The following ST8SIA6 variants were observed in gnomAD, a reference collection of about 807,000 sequenced individuals.
The protein encoded by ST8SIA6 is ST8 alpha-N-acetyl-neuraminide alpha-2,8-sialyltransferase 6, also known as alpha-2,8-sialyltransferase 8F.
ST8SIA6 carries 39 observed loss-of-function variants against 33.6 expected under a neutral mutation model. The ratio of observed to expected loss-of-function variants is 1.16; its 90% CI spans 0.90 to 1.52. ST8SIA6 has a LOEUF of 1.52. ST8SIA6 is among the 40% of genes most tolerant of loss of function. The pLI, the probability that ST8SIA6 is intolerant of heterozygous loss-of-function variation, is 0.00. For missense variants in ST8SIA6, 441 were observed against 443.8 expected, an observed-to-expected ratio of 0.99 and a Z score of 0.06; for synonymous variants, 172 against 167.2, an observed-to-expected ratio of 1.03 and a Z score of -0.22.
chr10:17,331,935 G>C (rs1409122634), intron 4 of ST8SIA6, among the ~76,000 whole-genome samples: 1 of 152,128 alleles, frequency 6.6e-6, no homozygotes, highest in African/African-American at 2.4e-5. Context: ...TTGTCCCAAT[G>C]CTCTCCCTCC....
At chr10:17,378,943 G>A (rs1259099071) in intron 3 of ST8SIA6, among the ~76,000 whole-genome samples, 2 of 151,998 alleles carry the variant, frequency 1.3e-5, no homozygotes, top group East Asian at 3.9e-4. Context: ...TGGCTAACAT[G>A]GTGAAACCCC....
chr10:17,440,425 C>T (rs541449271), intron 2 of ST8SIA6, among the ~76,000 whole-genome samples: 8 of 152,000 alleles, frequency 5.3e-5, no homozygotes, highest in African/African-American at 1.7e-4. Context: ...AGGATGGTCT[C>T]GAACTCCTGA....
intron 2 of ST8SIA6, among the ~76,000 whole-genome samples, chr10:17,449,298 A>G (rs1852829834): frequency 6.6e-6 from 1 of 152,164 alleles, no homozygotes; most frequent in Non-Finnish European, 1.5e-5. Context: ...ATTGAGAAAT[A>G]AATCCAAGAG....
At chr10:17,348,174 T>G (rs61844965) in intron 4 of ST8SIA6, among the ~76,000 whole-genome samples, 3,026 of 151,494 alleles carry the variant, frequency 0.02, 56 homozygotes, top group Admixed American at 0.032. Context: ...TTATAAACTT[T>G]TATTCAGTTA....
chr10:17,397,876 T>C (rs1431932118), intron 2 of ST8SIA6, among the ~76,000 whole-genome samples: 1 of 152,232 alleles, frequency 6.6e-6, no homozygotes, highest in Non-Finnish European at 1.5e-5. Flanking sequence ...AGTTCTGCTA[T>C]CACTGTTATC....
intron 6 of ST8SIA6, among the ~76,000 whole-genome samples, chr10:17,325,096 T>A (rs1226570581): frequency 7.1e-6 from 1 of 141,536 alleles, no homozygotes; most frequent in Non-Finnish European, 1.5e-5. Flanking sequence ...TACTGTTATA[T>A]AATTTTATAC....
At chr10:17,386,299 C>G (rs1445754094) in intron 3 of ST8SIA6, among the ~76,000 whole-genome samples, 2 of 151,462 alleles carry the variant, frequency 1.3e-5, no homozygotes, top group Non-Finnish European at 2.9e-5. Flanking sequence ...ATCACAAGGT[C>G]AGGAGCTCGA....
chr10:17,348,475 G>A (rs1441170013), intron 4 of ST8SIA6, among the ~76,000 whole-genome samples: 2 of 152,100 alleles, frequency 1.3e-5, no homozygotes, highest in African/African-American at 4.8e-5. Context: ...GTAGGCTTAG[G>A]CAAGGGCCAG....
intron 5 of ST8SIA6, among the ~76,000 whole-genome samples, chr10:17,328,744 G>A (rs1179149203): frequency 6.6e-6 from 1 of 152,144 alleles, no homozygotes; most frequent in Non-Finnish European, 1.5e-5. Flanking sequence ...AGGTGGCTCT[G>A]TGAATAAATC....
intron 4 of ST8SIA6, among the ~76,000 whole-genome samples, chr10:17,357,132 C>T (rs917442135): frequency 7.3e-6 from 1 of 137,786 alleles, no homozygotes; most frequent in Non-Finnish European, 1.6e-5. Flanking sequence ...GCCTTCAGTT[C>T]TTTTTTTTTT....
At position 17,319,039 on chromosome 10, in the gene ST8SIA6, T is replaced by C. The variant is rs1287939922; in HGVS notation, c.*1839A>G. Among the ~76,000 whole-genome samples the C allele has an allele frequency of 6.6e-6, 1 of 152,084 alleles. No individual in the cohort carries two copies. The highest frequency in any genetic ancestry group is 1.9e-4 in the East Asian group (1 of 5,190). On this transcript the variant is annotated 3_prime_UTR_variant, in exon 8 of 8. Coordinates refer to ENST00000377602, the MANE Select transcript of ST8SIA6 (RefSeq NM_001004470.3). ...TATGCTAGAAAGAGAGTAGGAGAGCTTCAAACAATGGCCAACAACCCCAAT... is the reference window on the plus strand; with the variant it reads ...TATGCTAGAAAGAGAGTAGGAGAGCCTCAAACAATGGCCAACAACCCCAAT...
At chr10:17,376,343 C>T (rs889546053) in intron 3 of ST8SIA6, among the ~76,000 whole-genome samples, 3 of 151,476 alleles carry the variant, frequency 2.0e-5, no homozygotes, top group Admixed American at 2.0e-4. Flanking sequence ...TTACACTGTG[C>T]GAGAGAGAGT....
At chr10:17,378,800 G>A (rs1850007043) in intron 3 of ST8SIA6, among the ~76,000 whole-genome samples, 1 of 152,080 alleles carries the variant, frequency 6.6e-6, no homozygotes, top group South Asian at 2.1e-4. Flanking sequence ...ATGATGGCCT[G>A]CTCCAATGAG....
At chr10:17,335,568 T>G (rs45509298) in intron 4 of ST8SIA6, among the ~76,000 whole-genome samples, 2,670 of 152,318 alleles carry the variant, frequency 0.018, 31 homozygotes, top group Non-Finnish European at 0.022. Context: ...TATATCCTTC[T>G]TAATTGGATT....
chr10:17,412,395 ACT>A (rs1254821677), intron 2 of ST8SIA6, among the ~76,000 whole-genome samples: 2 of 152,208 alleles, frequency 1.3e-5, no homozygotes, highest in African/African-American at 2.4e-5. Flanking sequence ...TGGGATTCTG[ACT>A]CTGAAGCAGG....
intron 3 of ST8SIA6, among the ~76,000 whole-genome samples, chr10:17,363,954 A>C (rs1271076209): frequency 6.6e-6 from 1 of 152,196 alleles, no homozygotes. Flanking sequence ...CTAACTCATC[A>C]AATAAGACTG....
intron 6 of ST8SIA6, among the ~76,000 whole-genome samples, 155 bp downstream of exon 6, chr10:17,326,859 G>A (rs1333547806): frequency 6.6e-6 from 1 of 152,172 alleles, no homozygotes; most frequent in Non-Finnish European, 1.5e-5. Flanking sequence ...GAACTCATGA[G>A]CCACATAACA....
In ST8SIA6 at chr10:17,327,015, TA is replaced by T; in HGVS notation, c.633del (p.Phe211LeufsTer23). Reference sequence around the variant, plus strand: ...AGAAACCAATTTGTCAGGTCTTACCTAAAAACGAAGTCGGATTTATCTATTT... The same window carrying T: ...AGAAACCAATTTGTCAGGTCTTACCTAAAACGAAGTCGGATTTATCTATTT... ...GTEIDKSDFV[F>X]RCNLPPTTGD... is the part of the protein sequence containing the mutation. On this transcript the variant is annotated frameshift_variant and splice_region_variant, in exon 6 of 8. Coordinates refer to ENST00000377602, the MANE Select transcript of ST8SIA6 (RefSeq NM_001004470.3). LOFTEE classifies it high-confidence loss of function. 1.0e-5 allele frequency: 16 copies of T among 1,595,472 alleles called. No individual in the cohort carries two copies. Among genetic ancestry groups the T allele is most frequent in the Non-Finnish European group, 1.4e-5 (16 of 1,173,224 alleles).
chr10:17,347,707 G>A (rs1272171040), intron 4 of ST8SIA6, among the ~76,000 whole-genome samples: 1 of 152,060 alleles, frequency 6.6e-6, no homozygotes, highest in Non-Finnish European at 1.5e-5. Context: ...CTGCCAAAGC[G>A]GGTGGATCAC....
Sources: gnomAD v4.1 joint callset for allele counts (sites outside exome capture counted in the v4.1 genomes callset) on GRCh38, gnomAD v4.1.1 for gene constraint, MANE v1.5 for transcripts, NCBI Gene and HGNC (gene_info 2026-07-23, HGNC 2026-07-21) for gene names.